ISM1: variants seen among roughly 807,000 people sequenced by gnomAD.
The protein encoded by ISM1 is isthmin-1.
A neutral mutation model predicts 46.3 loss-of-function variants in ISM1; 25 were observed. The observed-to-expected ratio is 0.54, with a 90% CI of 0.39 to 0.75. The LOEUF (loss-of-function observed/expected upper bound fraction) is 0.75, where lower values mean the gene tolerates loss of function less well. Among genes scored for constraint, ISM1 ranks in the 30% least tolerant of loss-of-function variants. ISM1 has a pLI of 0.00. For missense variants in ISM1, 536 were observed against 625.4 expected (o/e 0.86, Z 1.52); for synonymous variants, 255 against 256.7 (o/e 0.99, Z 0.06).
chr20:13,311,788 G>A, the ISM1 span, among the ~76,000 whole-genome samples: 24 of 152,128 alleles, frequency 1.6e-4, no homozygotes, highest in South Asian at 4.1e-4. Flanking sequence ...CTTGGGAGGC[G>A]TAAAGGGGTG....
chr20:13,280,592 C>T (rs2040228853), intron 3 of ISM1, among the ~76,000 whole-genome samples: 1 of 152,204 alleles, frequency 6.6e-6, no homozygotes, highest in African/African-American at 2.4e-5. Context: ...TGGAGTTCCA[C>T]CAACTGTTAG....
rs762830665 is a variant in ISM1 at position 13,288,688 on chromosome 20, G to A, written c.787+5G>A. On this transcript the variant is annotated splice_donor_5th_base_variant and intron_variant, in intron 4 of 5. Coordinates refer to ENST00000262487, the MANE Select transcript of ISM1 (RefSeq NM_080826.2). ...GTGACCGTCCAAACTGCCCAGGTGC[G>A]TTTACCTGAGTGTGTAGCTCCAAGT... 34 of 1,611,016 alleles carry A rather than the reference G, an allele frequency of 2.1e-5. 1 individual carries two copies. The highest frequency in any genetic ancestry group is 7.7e-5 in the South Asian group (7 of 90,944).
intron 2 of ISM1, among the ~76,000 whole-genome samples, chr20:13,274,671 C>CT (rs528118229): frequency 0.016 from 2,041 of 126,258 alleles, 50 homozygotes; most frequent in African/African-American, 0.052. Flanking sequence ...CCACTCCCCG[C>CT]CCCCCCCGCG....
Position 13,221,501 on chromosome 20 carries a change from T to G in ISM1, c.-276T>G, listed in dbSNP as rs1410902024. Among the ~76,000 whole-genome samples the G allele has an allele frequency of 7.1e-6, 1 of 141,044 alleles. No homozygotes were observed. Among genetic ancestry groups the G allele is most frequent in the Non-Finnish European group, 1.6e-5 (1 of 64,090 alleles). 92.5% of individuals were successfully genotyped at this position (141,044 alleles called of 152,430 possible). ...GCCGCCGCCAGGCAGCGCCGGGGCTTGCTCCGCAGCCGGCTTGGACACCCC... is the reference window on the plus strand; with the variant it reads ...GCCGCCGCCAGGCAGCGCCGGGGCTGGCTCCGCAGCCGGCTTGGACACCCC... On this transcript the variant is annotated 5_prime_UTR_variant, in exon 1 of 6. Coordinates refer to ENST00000262487, the MANE Select transcript of ISM1 (RefSeq NM_080826.2).
chr20:13,311,247 A>AGATAGAT, the ISM1 span, among the ~76,000 whole-genome samples: 733 of 116,198 alleles, frequency 6.3e-3, 3 homozygotes, highest in African/African-American at 0.013. Flanking sequence ...GATAGATGAT[A>AGATAGAT]GATAGATAGA....
chr20:13,288,557 G>A lies in ISM1; in HGVS notation c.661G>A (p.Gly221Ser), dbSNP rs750611443. 10 of 1,613,854 alleles carry A rather than the reference G, an allele frequency of 6.2e-6. No individual in the cohort carries two copies. Among genetic ancestry groups the A allele is most frequent in the Non-Finnish European group, 8.5e-6 (10 of 1,179,818 alleles). ...TCTTCCAGATTCCACAGATGGCGAG[G>A]GTGACTGGAGTCTCTGGTCTGTCTG... ...QPEYDSTDGEGDWSLWSVCSV... is the reference protein window; with the variant it reads ...QPEYDSTDGESDWSLWSVCSV... Residue 221 changes from glycine to serine, a missense_variant, in exon 4 of 6, where the codon GGT (glycine) becomes AGT (serine). Physicochemically the swap from Gly to Ser is moderately conservative, Grantham distance 56 (BLOSUM62 0). This residue lies in a region of ISM1 where 367 missense variants were observed against 376.1 expected (regional missense o/e 0.98). Transcript: ENST00000262487.
chr20:13,321,253 T>TAAAAAAAAAAAAA, the ISM1 span, among the ~76,000 whole-genome samples: 43 of 57,510 alleles, frequency 7.5e-4, 2 homozygotes, highest in Admixed American at 6.3e-3. Flanking sequence ...GTGCCCCACA[T>TAAAAAAAAAAAAA]AAAAAAAAAA....
intron 1 of ISM1, among the ~76,000 whole-genome samples, chr20:13,248,284 G>T (rs1351729460): frequency 4.6e-5 from 7 of 152,182 alleles, no homozygotes; most frequent in Non-Finnish European, 1.5e-5. Context: ...ATATCCAGCA[G>T]CAGGTGAGTA....
At chr20:13,293,248 A>T (rs1294705639) in intron 5 of ISM1, among the ~76,000 whole-genome samples, 1 of 151,954 alleles carries the variant, frequency 6.6e-6, no homozygotes, top group Non-Finnish European at 1.5e-5. Flanking sequence ...AACCTTTGGT[A>T]CAGTTTGCTA....
At chr20:13,248,490 G>C (rs192456182) in intron 1 of ISM1, among the ~76,000 whole-genome samples, 113 of 152,268 alleles carry the variant, frequency 7.4e-4, no homozygotes, top group African/African-American at 2.6e-3. Flanking sequence ...GGAGAATCTT[G>C]AGTGTAGCAA....
At chr20:13,228,860 T>A (rs2039557852) in intron 1 of ISM1, among the ~76,000 whole-genome samples, 1 of 152,220 alleles carries the variant, frequency 6.6e-6, no homozygotes, top group African/African-American at 2.4e-5. Context: ...TTTAATTGTG[T>A]CTTATGTCTC....
intron 1 of ISM1, among the ~76,000 whole-genome samples, chr20:13,258,305 T>A (rs2039950420): frequency 6.6e-6 from 1 of 152,006 alleles, no homozygotes. Context: ...ACCCCACAGC[T>A]CTCTCTTTCC....
At chr20:13,284,738 A>C (rs1176203061) in intron 3 of ISM1, among the ~76,000 whole-genome samples, 2 of 152,222 alleles carry the variant, frequency 1.3e-5, no homozygotes, top group Non-Finnish European at 2.9e-5. Context: ...CCTAGGAGGC[A>C]GTTTCACTTC....
chr20:13,232,165 G>A (rs760554050), intron 1 of ISM1, among the ~76,000 whole-genome samples: 1 of 152,148 alleles, frequency 6.6e-6, no homozygotes, highest in Non-Finnish European at 1.5e-5. Context: ...TTTAAATACA[G>A]CTTTGTTGAA....
the ISM1 span, among the ~76,000 whole-genome samples, chr20:13,319,462 G>C: frequency 6.6e-6 from 1 of 152,146 alleles, no homozygotes; most frequent in African/African-American, 2.4e-5. Flanking sequence ...GAATGATCCT[G>C]ACTTAATCCT....
chr20:13,324,897 C>G, the ISM1 span, among the ~76,000 whole-genome samples: 1 of 152,206 alleles, frequency 6.6e-6, no homozygotes, highest in African/African-American at 2.4e-5. Flanking sequence ...AAGAGACTTG[C>G]TCATGCAGCT....
chr20:13,270,594 G>A lies in ISM1; in HGVS notation c.229G>A (p.Ala77Thr), dbSNP rs778418414. The stretch of plus-strand genomic sequence containing the variant: ...AAGGGAGCATCTGGACCACCAGGCT[G>A]CACACCAACCCTTCCCCAGACCGCG... ...APREHLDHQA[A>T]HQPFPRPRFR... Residue 77 changes from alanine (A) to threonine (T), a missense_variant, in exon 2 of 6, where the codon GCA (alanine) becomes ACA (threonine). Coordinates refer to ENST00000262487, the MANE Select transcript of ISM1 (RefSeq NM_080826.2). 3.1e-6 allele frequency: 5 copies of A among 1,613,826 alleles called. No individual in the cohort carries two copies. Among genetic ancestry groups the A allele is most frequent in the East Asian group, 4.5e-5 (2 of 44,896 alleles).
At chr20:13,272,955 T>C (rs1456939582) in intron 2 of ISM1, among the ~76,000 whole-genome samples, 1 of 152,204 alleles carries the variant, frequency 6.6e-6, no homozygotes, top group Non-Finnish European at 1.5e-5. Context: ...GGTGGGAATG[T>C]CACTTGGGGC....
chr20:13,270,124 G>C (rs902617629), intron 1 of ISM1, among the ~76,000 whole-genome samples: 1 of 152,226 alleles, frequency 6.6e-6, no homozygotes, highest in African/African-American at 2.4e-5. Flanking sequence ...CTGGACACTA[G>C]AGCTATAACT....
Sources: gnomAD v4.1 joint callset for allele counts (sites outside exome capture counted in the v4.1 genomes callset) on GRCh38, gnomAD v4.1.1 for gene constraint, gnomAD v4.1.1 regional missense constraint, MANE v1.5 for transcripts, NCBI Gene and HGNC (gene_info 2026-07-23, HGNC 2026-07-21) for gene names.